Variants in LONRF3 observed in about 807,000 individuals in gnomAD.
LONRF3 encodes the protein LON peptidase N-terminal domain and RING finger protein 3.
LONRF3 carries 19 observed loss-of-function variants against 51.7 expected under a neutral mutation model. That is an observed-to-expected ratio of 0.37 (90% confidence interval 0.26 to 0.54). The LOEUF is 0.54. Among genes scored for constraint, LONRF3 ranks in the 20% least tolerant of loss-of-function variants. The probability of loss-of-function intolerance (pLI) is 0.86; values close to 1 mark genes in which losing one functional copy is unlikely to be tolerated. For missense variants in LONRF3, 521 were observed against 623.9 expected (o/e 0.84, Z 1.76); for synonymous variants, 265 against 257.8 (o/e 1.03, Z -0.27).
At position 118,987,153 on chromosome X, in the gene LONRF3, C is replaced by A. The variant is rs1022521275; in HGVS notation, c.1060-2255C>A. 1.8e-5 allele frequency: 15 copies of A among 834,798 alleles called. No homozygotes were observed. In the South Asian group the frequency reaches 1.8e-4, roughly 10 times the overall value. The allele number at this position is 834,798 out of a possible 1,213,427, so 68.8% of individuals were successfully genotyped here. On this transcript the variant is annotated intron_variant, in intron 3 of 10. Transcript: ENST00000371628. Reference sequence around the variant, plus strand: ...TTTGTGGGCAAACGTGGGGAGTGAGCCCTCCCTCTCCTATTTTGGTTCCTG... The same window carrying A: ...TTTGTGGGCAAACGTGGGGAGTGAGACCTCCCTCTCCTATTTTGGTTCCTG...
intron 6 of LONRF3, among the ~76,000 whole-genome samples, chrX:119,007,752 A>G (rs1382480356): frequency 1.8e-5 from 2 of 111,715 alleles, no homozygotes; most frequent in African/African-American, 6.5e-5. Context: ...GAGGAGGGTC[A>G]ATGTCATACC....
Position 119,017,693 on chromosome X carries a change from A to G in LONRF3, c.*3A>G. 3.4e-6 allele frequency: 4 copies of G among 1,181,865 alleles called. No homozygotes were observed. Among genetic ancestry groups the G allele is most frequent in the Non-Finnish European group, 4.5e-6 (4 of 879,416 alleles). Reference sequence around the variant, plus strand: ...TCATATCCCGAAACCAAAACTAGTGAGTGGATTGCCGAAGAGGAGCTCCCA... The same window carrying G: ...TCATATCCCGAAACCAAAACTAGTGGGTGGATTGCCGAAGAGGAGCTCCCA... On this transcript the variant is annotated 3_prime_UTR_variant, in exon 11 of 11. Coordinates refer to ENST00000371628, the MANE Select transcript of LONRF3 (RefSeq NM_001031855.3).
chrX:119,015,610 A>C (rs1034173387), intron 10 of LONRF3, among the ~76,000 whole-genome samples: 1 of 111,995 alleles, frequency 8.9e-6, no homozygotes, highest in African/African-American at 3.2e-5. Context: ...GATCAAGCTT[A>C]ATGTTCCCCT....
chrX:118,979,037 C>T (rs892731879), intron 2 of LONRF3, among the ~76,000 whole-genome samples: 2 of 94,401 alleles, frequency 2.1e-5, no homozygotes, highest in Non-Finnish European at 4.2e-5. Context: ...GTTTCCCTCT[C>T]GCACCCAGGC....
At position 118,975,645 on chromosome X, in the gene LONRF3, T is replaced by G. The variant is rs749238163; in HGVS notation, c.817+48T>G. ...CCGGGGCTGGGGCTCGGTGGCTACATGAGGGAGCGGGAGAACAAACCCCGC... is the reference window on the plus strand; with the variant it reads ...CCGGGGCTGGGGCTCGGTGGCTACAGGAGGGAGCGGGAGAACAAACCCCGC... On this transcript the variant is annotated intron_variant, in intron 1 of 10. Transcript: ENST00000371628. 2.2e-5 allele frequency: 22 copies of G among 978,279 alleles called. No homozygotes were observed. In the East Asian group the frequency reaches 8.7e-4, roughly 39 times the overall value. The allele number at this position is 978,279 out of a possible 1,213,427, so 80.6% of individuals were successfully genotyped here.
chrX:119,001,024 T>C (rs1320379286), intron 5 of LONRF3, among the ~76,000 whole-genome samples: 1 of 111,764 alleles, frequency 8.9e-6, no homozygotes, highest in Non-Finnish European at 1.9e-5. Context: ...TGGGCTGACA[T>C]CAAACTGAAA....
chrX:118,994,391 T>C (rs1923686638), intron 5 of LONRF3, among the ~76,000 whole-genome samples: 1 of 98,391 alleles, frequency 1.0e-5, no homozygotes, highest in African/African-American at 4.1e-5. Flanking sequence ...TAGCTATTTT[T>C]ATATCAGACA....
chrX:119,000,063 C>T (rs916892641), intron 5 of LONRF3, among the ~76,000 whole-genome samples: 2 of 112,009 alleles, frequency 1.8e-5, no homozygotes, highest in African/African-American at 6.5e-5. Context: ...ATTATGATAG[C>T]CTTGACAAAG....
chrX:118,993,470 A>G (rs1923579501), intron 5 of LONRF3, among the ~76,000 whole-genome samples: 1 of 111,900 alleles, frequency 8.9e-6, no homozygotes, highest in Non-Finnish European at 1.9e-5. Flanking sequence ...CAATCCAACA[A>G]AGACAAAGAA....
intron 5 of LONRF3, among the ~76,000 whole-genome samples, chrX:118,998,180 C>A (rs1924008371): frequency 1.3e-5 from 1 of 74,950 alleles, no homozygotes; most frequent in Non-Finnish European, 2.4e-5. Flanking sequence ...ATGTTTATGG[C>A]AACACATTCA....
chrX:119,003,427 C>T (rs1439464667), intron 5 of LONRF3, among the ~76,000 whole-genome samples: 1 of 112,095 alleles, frequency 8.9e-6, no homozygotes, highest in Non-Finnish European at 1.9e-5. Context: ...GATCCAATTT[C>T]ATTTCCCCCT....
In LONRF3 at chrX:119,004,714, T is replaced by A. The variant is rs966800425; in HGVS notation, c.1416-1407T>A. ...TGAGGAAACATTTGGGAGGGATGGGTATGTTTCCTATCTTGATTGTGGCGA... is the reference window on the plus strand; with the variant it reads ...TGAGGAAACATTTGGGAGGGATGGGAATGTTTCCTATCTTGATTGTGGCGA... On this transcript the variant is annotated intron_variant, in intron 5 of 10. Coordinates refer to ENST00000371628, the MANE Select transcript of LONRF3 (RefSeq NM_001031855.3). 1.7e-4 allele frequency among the ~76,000 whole-genome samples: 19 copies of A among 111,656 alleles called. No homozygotes were observed. The East Asian group carries it at 2.0e-3, about 12-fold the overall frequency.
At chrX:119,017,254 G>A (rs983784489) in intron 10 of LONRF3, among the ~76,000 whole-genome samples, 2 of 111,984 alleles carry the variant, frequency 1.8e-5, no homozygotes, top group African/African-American at 6.5e-5. Context: ...CTTTCCCAGA[G>A]CATGACCAAG....
At chrX:119,008,188 ACACTTGCAC>A (rs1924861735) in intron 6 of LONRF3, among the ~76,000 whole-genome samples, 1 of 112,107 alleles carries the variant, frequency 8.9e-6, no homozygotes, top group South Asian at 3.7e-4. Context: ...ACATAGGGTC[ACACTTGCAC>A]CATTTTACAT....
chrX:118,979,950 T>C (rs899262107), intron 2 of LONRF3, among the ~76,000 whole-genome samples: 1 of 112,328 alleles, frequency 8.9e-6, no homozygotes, highest in African/African-American at 3.2e-5. Context: ...AAGATTAGAT[T>C]TGAGCCTGTG....
chrX:118,978,384 T>C lies in LONRF3; in HGVS notation c.857T>C (p.Ile286Thr). Residue 286 changes from isoleucine to threonine, a missense_variant, in exon 2 of 11, where the codon ATT (isoleucine) becomes ACT (threonine). Physicochemically the swap from Ile to Thr is moderately conservative, Grantham distance 89. This residue lies in a region of LONRF3 where 376 missense variants were observed against 376.7 expected (regional missense o/e 1.00). Coordinates refer to ENST00000371628, the MANE Select transcript of LONRF3 (RefSeq NM_001031855.3). The part of the protein sequence containing the change: ...DHLLYSNRSQ[I>T]YFTLESHENA... The stretch of plus-strand genomic sequence containing the variant: ...TTGCTTTATAGCAATCGGTCTCAGA[T>C]TTATTTCACCTTGGAGTCTCATGAG... 1 of 1,208,045 alleles carries C rather than the reference T, an allele frequency of 8.3e-7. No homozygotes were observed. The highest frequency in any genetic ancestry group is 1.1e-6 in the Non-Finnish European group (1 of 892,492).
At chrX:119,010,827 G>A (rs1030198545) in intron 7 of LONRF3, among the ~76,000 whole-genome samples, 4 of 111,326 alleles carry the variant, frequency 3.6e-5, no homozygotes, top group Admixed American at 2.9e-4. Flanking sequence ...CTTATTGAAA[G>A]GCAGGGCCGG....
At chrX:118,986,910 T>G (rs1163311419) in intron 3 of LONRF3, 11 of 1,149,563 alleles carry the variant, frequency 9.6e-6, no homozygotes, top group Non-Finnish European at 1.3e-5. Flanking sequence ...TGAAGTCTTC[T>G]GTTTTATGTC....
rs1465677876 is a variant in LONRF3 at position 119,014,374 on chromosome X, T to C, written c.2124+18T>C. The C allele has an allele frequency of 2.5e-6, 3 of 1,196,499 alleles. No homozygotes were observed. The highest frequency in any genetic ancestry group is 3.0e-5 in the East Asian group (1 of 33,714). On this transcript the variant is annotated intron_variant, in intron 10 of 10. Transcript: ENST00000371628. The stretch of plus-strand genomic sequence containing the variant: ...ATCCTCAGGTATAGAAAAATGTCTA[T>C]TTTTAAACGGGTTGTCCCACTAGAA...
Sources: gnomAD v4.1 joint callset for allele counts (sites outside exome capture counted in the v4.1 genomes callset) on GRCh38, gnomAD v4.1.1 for gene constraint, gnomAD v4.1.1 regional missense constraint, MANE v1.5 for transcripts, NCBI Gene and HGNC (gene_info 2026-07-23, HGNC 2026-07-21) for gene names.